Variants in DOCK1 observed in about 807,000 individuals in gnomAD.
DOCK1 encodes dedicator of cytokinesis protein 1.
Under a neutral mutation model 262.7 loss-of-function variants are expected in DOCK1, and 138 were observed. The observed-to-expected ratio is 0.53, with a 90% CI of 0.46 to 0.61. The LOEUF (loss-of-function observed/expected upper bound fraction) is 0.61, where lower values mean the gene tolerates loss of function less well. DOCK1 is among the 20% of genes least tolerant of loss of function. The pLI is 0.00. For synonymous variants in DOCK1, 866 were observed against 867.4 expected (o/e 1.00, Z 0.03); for missense variants, 1,908 against 2,370.7 (o/e 0.80, Z 4.05).
At chr10:127,278,295 C>G (rs79495452) in intron 29 of DOCK1, among the ~76,000 whole-genome samples, 3 of 98,354 alleles carry the variant, frequency 3.1e-5, no homozygotes, top group Admixed American at 2.2e-4. Context: ...GCCAAGAGAC[C>G]GTTAGCATGC....
At chr10:126,922,209 C>CAAAAAA (rs1213635501) in intron 1 of DOCK1, among the ~76,000 whole-genome samples, 1 of 63,948 alleles carries the variant, frequency 1.6e-5, no homozygotes, top group Non-Finnish European at 2.9e-5. Context: ...GACCCTGTAT[C>CAAAAAA]AAAAAAAAAA....
Position 127,239,902 on chromosome 10 carries a change from G to A in DOCK1, c.2848-8106G>A, listed in dbSNP as rs112077716. On this transcript the variant is annotated intron_variant, in intron 27 of 51. Transcript: ENST00000623213. ...TCATTACACCATAAACTATAATTTT[G>A]TATGTAATATTTGATTATAATTTAT... Among the ~76,000 whole-genome samples, 18 of 152,168 alleles carry A rather than the reference G, an allele frequency of 1.2e-4. 1 individual carries two copies. The highest frequency in any genetic ancestry group is 4.1e-4 in the African/African-American group (17 of 41,532).
intron 51 of DOCK1, among the ~76,000 whole-genome samples, chr10:127,447,838 TCA>T (rs2070688143): frequency 6.6e-6 from 1 of 152,242 alleles, no homozygotes; most frequent in South Asian, 2.1e-4. Context: ...TCGGTTATCA[TCA>T]CCATGGAGAT....
chr10:127,243,081 G>A (rs2059317633), intron 27 of DOCK1, among the ~76,000 whole-genome samples: 1 of 152,272 alleles, frequency 6.6e-6, no homozygotes, highest in Admixed American at 6.5e-5. Context: ...CTCCAGGGTC[G>A]ATTGAGACAG....
chr10:127,416,051 T>C (rs963068305), intron 44 of DOCK1, among the ~76,000 whole-genome samples: 26 of 152,206 alleles, frequency 1.7e-4, no homozygotes, highest in African/African-American at 6.3e-4. Flanking sequence ...GGCCGGCATC[T>C]CTCTGCCCAG....
intron 1 of DOCK1, among the ~76,000 whole-genome samples, chr10:126,941,549 G>T (rs1020609754): frequency 6.6e-6 from 1 of 152,174 alleles, no homozygotes; most frequent in Non-Finnish European, 1.5e-5. Flanking sequence ...GAGGTCAGGA[G>T]ATCGAGACCA....
At position 127,228,272 on chromosome 10, in the gene DOCK1, G is replaced by A. The variant is rs142191824; in HGVS notation, c.2848-19736G>A. ...AATCACTGGGGACCCACCTTCCCTC[G>A]TTCCTCATGGAATTTAGATGAATGT... On this transcript the variant is annotated intron_variant, in intron 27 of 51. Coordinates refer to ENST00000623213, the MANE Select transcript of DOCK1 (RefSeq NM_001290223.2). 6.4e-3 allele frequency among the ~76,000 whole-genome samples: 967 copies of A among 152,188 alleles called. 12 individuals are homozygous for A. The highest frequency in any genetic ancestry group is 0.022 in the African/African-American group (896 of 41,528).
chr10:126,912,465 G>A lies in DOCK1; in HGVS notation c.46+6902G>A, dbSNP rs1213979160. 5.3e-5 allele frequency among the ~76,000 whole-genome samples: 8 copies of A among 151,014 alleles called. No homozygotes were observed. In the East Asian group the frequency reaches 9.9e-4, roughly 19 times the overall value. On this transcript the variant is annotated intron_variant, in intron 1 of 51. Coordinates refer to ENST00000623213, the MANE Select transcript of DOCK1 (RefSeq NM_001290223.2). ...AAAGAGACCGGGCGCGGTGGCTCAC[G>A]CCTGTAATCCTAGCACTTTGGGAGG...
At chr10:127,052,188 C>T (rs986678108) in intron 21 of DOCK1, among the ~76,000 whole-genome samples, 43 of 152,310 alleles carry the variant, frequency 2.8e-4, no homozygotes, top group Admixed American at 2.8e-3. Flanking sequence ...AAATGCTCAG[C>T]CTTTGCTCTC....
chr10:127,264,175 C>T (rs534891005), intron 29 of DOCK1, among the ~76,000 whole-genome samples: 60 of 152,268 alleles, frequency 3.9e-4, no homozygotes, highest in Admixed American at 2.7e-3. Flanking sequence ...AGACTTGTAA[C>T]GGAATTTTTA....
At chr10:127,244,991 A>C (rs190432654) in intron 27 of DOCK1, among the ~76,000 whole-genome samples, 194 of 152,368 alleles carry the variant, frequency 1.3e-3, no homozygotes, top group Middle Eastern at 3.4e-3. Context: ...TTATTTTCAC[A>C]GAGCTCGCTC....
intron 3 of DOCK1, among the ~76,000 whole-genome samples, 152 bp downstream of exon 3, chr10:126,978,140 T>C (rs1165874205): frequency 6.6e-6 from 1 of 152,202 alleles, no homozygotes; most frequent in African/African-American, 2.4e-5. Flanking sequence ...TGAACGAGCT[T>C]GGATTGTTTT....
intron 29 of DOCK1, among the ~76,000 whole-genome samples, chr10:127,261,301 GT>G (rs1328001176): frequency 3.5e-5 from 4 of 113,918 alleles, no homozygotes; most frequent in African/African-American, 1.4e-4. Flanking sequence ...ATGTGGGTGT[GT>G]GTGTGTGTGC....
chr10:126,923,944 C>G (rs1406176167), intron 1 of DOCK1, among the ~76,000 whole-genome samples: 2 of 152,176 alleles, frequency 1.3e-5, no homozygotes, highest in Non-Finnish European at 2.9e-5. Flanking sequence ...TCCACCTGCC[C>G]CTCAGTCTTG....
intron 27 of DOCK1, among the ~76,000 whole-genome samples, chr10:127,142,556 G>A (rs2051368357): frequency 1.3e-5 from 2 of 152,146 alleles, no homozygotes; most frequent in Admixed American, 6.5e-5. Context: ...TTACCTGTGC[G>A]GGGTGTTCTG....
chr10:126,982,858 T>C (rs1030848692), intron 4 of DOCK1, among the ~76,000 whole-genome samples: 2 of 152,248 alleles, frequency 1.3e-5, no homozygotes, highest in African/African-American at 4.8e-5. Flanking sequence ...AGACTTTTAC[T>C]CTGTGGAAGT....
chr10:127,004,751 C>G (rs539883277), intron 10 of DOCK1, among the ~76,000 whole-genome samples: 18 of 127,300 alleles, frequency 1.4e-4, no homozygotes, highest in South Asian at 6.0e-4. Flanking sequence ...CCTGTCCCCC[C>G]CAACGGCCCC....
intron 29 of DOCK1, among the ~76,000 whole-genome samples, chr10:127,305,423 T>C (rs755892007): frequency 2.0e-5 from 3 of 152,132 alleles, no homozygotes; most frequent in Non-Finnish European, 4.4e-5. Context: ...AGGACTTGCT[T>C]CCCTGGAAAT....
At chr10:127,112,032 G>A (rs2048897857) in intron 25 of DOCK1, among the ~76,000 whole-genome samples, 3 of 147,966 alleles carry the variant, frequency 2.0e-5, no homozygotes, top group African/African-American at 7.5e-5. Context: ...TTTTTTTCGA[G>A]ACATAGTCCT....
Sources: gnomAD v4.1 joint callset for allele counts (sites outside exome capture counted in the v4.1 genomes callset) on GRCh38, gnomAD v4.1.1 for gene constraint, MANE v1.5 for transcripts, NCBI Gene and HGNC (gene_info 2026-07-23, HGNC 2026-07-21) for gene names.